Variants in CRMP1 observed in about 807,000 individuals in gnomAD.
CRMP1 encodes the protein collapsin response mediator protein 1, also known as dihydropyrimidinase-related protein 1.
Under a neutral mutation model 68.3 loss-of-function variants are expected in CRMP1, and 19 were observed. The observed-to-expected ratio is 0.28, with a 90% CI of 0.19 to 0.41. The LOEUF (loss-of-function observed/expected upper bound fraction) is 0.41. CRMP1 is among the 10% of genes least tolerant of loss of function. The pLI is 1.00. For synonymous variants in CRMP1, 439 were observed against 399.6 expected (o/e 1.10, Z -1.18); for missense variants, 791 against 967.4 (o/e 0.82, Z 2.42).
rs775481202 is a variant in CRMP1, at chr4:5,888,304, C to T, written c.381+4285G>A. The T allele has an allele frequency of 4.8e-6, 6 of 1,253,462 alleles. No individual in the cohort carries two copies. The highest frequency in any genetic ancestry group is 4.6e-5 in the African/African-American group (3 of 64,566). 77.6% of individuals were successfully genotyped at this position (1,253,462 alleles called of 1,614,324 possible). A position where few individuals can be genotyped will look rare whatever the true frequency, so the allele number is the denominator to read the frequency against. ...CGCCCTCGGCCCGGCCGCTGACCTG[C>T]GGGGCTGTCTGACTGGAACCGGCGC... On this transcript the variant is annotated intron_variant, in intron 1 of 13. Transcript: ENST00000324989. This position sits in a 1 kb window ranked among gnomAD's most constrained non-coding sequence, Gnocchi z 6.4.
rs1345639793 is a variant in CRMP1 at position 5,870,509 on chromosome 4, G to A, written c.382-3753C>T. On this transcript the variant is annotated intron_variant, in intron 1 of 13. Coordinates refer to ENST00000324989, the MANE Select transcript of CRMP1 (RefSeq NM_001014809.3). The surrounding 1 kb of genome is among the most constrained non-coding windows in gnomAD (Gnocchi z 6.0). ...AGACCGTGAGCTCCACGGAGGCAAC[G>A]GACTTTGTCCGTTTTCTTCACTGCT... Among the ~76,000 whole-genome samples the A allele has an allele frequency of 2.0e-5, 3 of 152,202 alleles. No individual in the cohort carries two copies. The highest frequency in any genetic ancestry group is 4.8e-5 in the African/African-American group (2 of 41,460).
rs1315316832 is a variant in CRMP1 at position 5,861,324 on chromosome 4, GC to G, written c.471-115del. ...ATTTCTGAGCCAGGCCCTTCACAAG[GC>G]CCTGGGGAGACAGAGATAACTCAGG... On this transcript the variant is annotated intron_variant, in intron 2 of 13. Transcript: ENST00000324989. The surrounding 1 kb of genome is among the most constrained non-coding windows in gnomAD (Gnocchi z 6.0). The G allele has an allele frequency of 2.0e-5, 21 of 1,045,878 alleles. No individual in the cohort carries two copies. The African/African-American group carries it at 2.1e-4, about 10-fold the overall frequency. 64.8% of individuals were successfully genotyped at this position (1,045,878 alleles called of 1,614,324 possible). A position where few individuals can be genotyped will look rare whatever the true frequency, so the allele number is the denominator to read the frequency against.
chr4:5,829,376 G>A (rs1054461704), intron 11 of CRMP1, among the ~76,000 whole-genome samples: 3 of 152,194 alleles, frequency 2.0e-5, no homozygotes, highest in South Asian at 2.1e-4. Context: ...GGGACAGAGC[G>A]AGACTCTGTC....
At position 5,870,728 on chromosome 4, in the gene CRMP1, G is replaced by A. The variant is rs1714377140; in HGVS notation, c.382-3972C>T. On this transcript the variant is annotated intron_variant, in intron 1 of 13. Transcript: ENST00000324989. The surrounding 1 kb of genome is among the most constrained non-coding windows in gnomAD (Gnocchi z 6.0). Reference sequence around the variant, plus strand: ...ATGTTTCAAGGTAAGTTGCTCCTAGGCCCCACAACCTATCTGTACCGCTAA... The same window carrying A: ...ATGTTTCAAGGTAAGTTGCTCCTAGACCCCACAACCTATCTGTACCGCTAA... Among the ~76,000 whole-genome samples the A allele has an allele frequency of 6.6e-6, 1 of 152,156 alleles. No homozygotes were observed. Among genetic ancestry groups the A allele is most frequent in the Admixed American group, 6.5e-5 (1 of 15,284 alleles).
chr4:5,838,154 G>T lies in CRMP1; in HGVS notation c.1311-1248C>A, dbSNP rs1437859222. 1.3e-5 allele frequency among the ~76,000 whole-genome samples: 2 copies of T among 152,156 alleles called. No homozygotes were observed. The highest frequency in any genetic ancestry group is 1.3e-4 in the Admixed American group (2 of 15,284). ...AGGAAGTCACAGAGCAAACCATGTG[G>T]CGTCTAAGAAAGAGGGAACTAGCCA... is the stretch of plus-strand genomic sequence containing the variant. On this transcript the variant is annotated intron_variant, in intron 9 of 13. Coordinates refer to ENST00000324989, the MANE Select transcript of CRMP1 (RefSeq NM_001014809.3). This position sits in a 1 kb window ranked among gnomAD's most constrained non-coding sequence, Gnocchi z 4.9.
chr4:5,874,328 A>G (rs907158076), intron 1 of CRMP1, among the ~76,000 whole-genome samples: 6 of 152,248 alleles, frequency 3.9e-5, no homozygotes, highest in African/African-American at 1.4e-4. Context: ...GAGAAAAAGC[A>G]AACTACAAAA....
At chr4:5,830,201 TCTTA>T (rs769490827) in intron 11 of CRMP1, among the ~76,000 whole-genome samples, 1 of 152,244 alleles carries the variant, frequency 6.6e-6, no homozygotes, top group Non-Finnish European at 1.5e-5. Context: ...TTGGCATTCT[TCTTA>T]CTGATTTCTA....
At chr4:5,847,372 T>G (rs1166166034) in intron 6 of CRMP1, among the ~76,000 whole-genome samples, 2 of 152,134 alleles carry the variant, frequency 1.3e-5, no homozygotes, top group Non-Finnish European at 2.9e-5. Context: ...GGGGTGATTG[T>G]AATTTGCATG....
chr4:5,843,246 G>C lies in CRMP1; in HGVS notation c.964-85C>G. The C allele has an allele frequency of 7.2e-7, 1 of 1,385,184 alleles. No homozygotes were observed. The highest frequency in any genetic ancestry group is 1.2e-5 in the South Asian group (1 of 85,066). 85.8% of individuals were successfully genotyped at this position (1,385,184 alleles called of 1,614,324 possible). Reference sequence around the variant, plus strand: ...TCCTCCAACCCCCTGGTTAGACAGAGGGGGCAGCTGGGTCCCAAAGAGGCG... The same window carrying C: ...TCCTCCAACCCCCTGGTTAGACAGACGGGGCAGCTGGGTCCCAAAGAGGCG... On this transcript the variant is annotated intron_variant, in intron 6 of 13. Transcript: ENST00000324989. This position sits in a 1 kb window ranked among gnomAD's most constrained non-coding sequence, Gnocchi z 4.1.
At chr4:5,862,805 A>G (rs994702156) in intron 2 of CRMP1, among the ~76,000 whole-genome samples, 1 of 152,168 alleles carries the variant, frequency 6.6e-6, no homozygotes, top group Non-Finnish European at 1.5e-5. Flanking sequence ...TACTCTAATG[A>G]GAGGTTCTTT....
intron 1 of CRMP1, among the ~76,000 whole-genome samples, chr4:5,884,391 A>C (rs529373724): frequency 4.0e-5 from 6 of 151,644 alleles, no homozygotes; most frequent in South Asian, 2.1e-4. Flanking sequence ...ACACACACAC[A>C]CCCCCACACC....
rs2302017 is a variant in CRMP1, at chr4:5,843,188, C to T, written c.964-27G>A. 591 of 1,612,956 alleles carry T rather than the reference C, an allele frequency of 3.7e-4. 2 individuals are homozygous for T. The highest frequency in any genetic ancestry group is 5.1e-4 in the East Asian group (23 of 44,866). ...TACAAGACAAGAACAAGTGAGTTAA[C>T]GATTAGAGGGTGTCAGAGCTGGGAG... On this transcript the variant is annotated intron_variant, in intron 6 of 13. Transcript: ENST00000324989. This position sits in a 1 kb window ranked among gnomAD's most constrained non-coding sequence, Gnocchi z 4.1.
At position 5,822,496 on chromosome 4, in the gene CRMP1, G is replaced by C. The variant is rs763773871; in HGVS notation, c.1970-645C>G. ...CATTGGCGATAGGTGGATCTGAAGG[G>C]GGGGGGGGTGGTGTGCAGAGGTTCT... On this transcript the variant is annotated intron_variant, in intron 13 of 13. Coordinates refer to ENST00000324989, the MANE Select transcript of CRMP1 (RefSeq NM_001014809.3). 1.5e-3 allele frequency among the ~76,000 whole-genome samples: 137 copies of C among 91,184 alleles called. No individual in the cohort carries two copies. The Middle Eastern group carries it at 0.019, about 13-fold the overall frequency. The allele number at this position is 91,184 out of a possible 152,430, so 59.8% of individuals were successfully genotyped here. A position where few individuals can be genotyped will look rare whatever the true frequency, so the allele number is the denominator to read the frequency against.
chr4:5,869,810 C>T (rs979733355), intron 1 of CRMP1, among the ~76,000 whole-genome samples: 16 of 151,994 alleles, frequency 1.1e-4, no homozygotes, highest in Non-Finnish European at 2.1e-4. Context: ...GGAGGTGGTT[C>T]CAGGGTCTGG....
At chr4:5,831,343 A>G (rs1189420866) in intron 11 of CRMP1, among the ~76,000 whole-genome samples, 4 of 152,034 alleles carry the variant, frequency 2.6e-5, no homozygotes, top group Non-Finnish European at 5.9e-5. Context: ...TCAATTCTTT[A>G]TATTGGTTTG....
At chr4:5,856,423 C>CACCATCACCACCATCATCATCATT in intron 3 of CRMP1, 116 bp from the exon 4 acceptor site, 1 of 944,138 alleles carries the variant, frequency 1.1e-6, no homozygotes, top group Non-Finnish European at 1.6e-6. Flanking sequence ...TCATCATCAT[C>CACCATCACCACCATCATCATCATT]ACCATAATTA....
intron 1 of CRMP1, among the ~76,000 whole-genome samples, chr4:5,867,146 C>T (rs1714051627): frequency 6.6e-6 from 1 of 152,138 alleles, no homozygotes. Flanking sequence ...GAAACAAAAC[C>T]AGAATCCATT....
intron 12 of CRMP1, chr4:5,826,477 C>CGGG (rs1719644860): frequency 1.3e-5 from 2 of 152,660 alleles, no homozygotes; most frequent in Non-Finnish European, 2.9e-5. Flanking sequence ...CACCAGCCTG[C>CGGG]AGGAGGACGA....
At chr4:5,832,220 G>A (rs1226791043) in intron 11 of CRMP1, among the ~76,000 whole-genome samples, 1 of 152,200 alleles carries the variant, frequency 6.6e-6, no homozygotes, top group Non-Finnish European at 1.5e-5. Context: ...CTTTTCTGGA[G>A]GTGATGAAAA....
Sources: gnomAD v4.1 joint callset for allele counts (sites outside exome capture counted in the v4.1 genomes callset) on GRCh38, gnomAD v4.1.1 for gene constraint, Gnocchi (gnomAD v3.1) non-coding constraint, MANE v1.5 for transcripts, NCBI Gene and HGNC (gene_info 2026-07-23, HGNC 2026-07-21) for gene names.